EGFLAM: variants seen among roughly 807,000 people sequenced by gnomAD.
The protein encoded by EGFLAM is pikachurin.
Under a neutral mutation model 113.1 loss-of-function variants are expected in EGFLAM, and 79 were observed. The ratio of observed to expected loss-of-function variants is 0.70; its 90% CI spans 0.58 to 0.84. The LOEUF (loss-of-function observed/expected upper bound fraction) is 0.84. Ranked by LOEUF, EGFLAM falls within the 40% of genes least tolerant of loss-of-function variation. The pLI is 0.00. For missense variants in EGFLAM, 1,265 were observed against 1,291.6 expected (o/e 0.98, Z 0.32); for synonymous variants, 504 against 487.6 (o/e 1.03, Z -0.44).
chr5:38,454,188 C>G (rs776900752), intron 19 of EGFLAM, among the ~76,000 whole-genome samples: 3 of 152,098 alleles, frequency 2.0e-5, no homozygotes, highest in Non-Finnish European at 2.9e-5. Flanking sequence ...GGAAGCGTAC[C>G]GGCGGGCTGG....
chr5:38,357,689 C>T (rs1739798988), intron 5 of EGFLAM, among the ~76,000 whole-genome samples: 1 of 152,106 alleles, frequency 6.6e-6, no homozygotes, highest in African/African-American at 2.4e-5. Flanking sequence ...AGAAGTGATC[C>T]TCAGATTCAG....
chr5:38,341,929 T>A lies in EGFLAM; in HGVS notation c.291+3148T>A, dbSNP rs1230183752. Among the ~76,000 whole-genome samples, 3 of 151,934 alleles carry A rather than the reference T, an allele frequency of 2.0e-5. No individual in the cohort carries two copies. In the East Asian group the frequency reaches 5.8e-4, roughly 29 times the overall value. ...ACTCATGCAAGTTTTTTTTTTTTTT[T>A]ACTCTTCATGTTGCCTCTGTTTTTT... is the stretch of plus-strand genomic sequence containing the variant. On this transcript the variant is annotated intron_variant, in intron 3 of 21. Transcript: ENST00000322350.
chr5:38,295,729 G>T (rs566814189), intron 1 of EGFLAM, among the ~76,000 whole-genome samples: 25 of 152,292 alleles, frequency 1.6e-4, no homozygotes, highest in African/African-American at 4.8e-4. Flanking sequence ...AGTAAAACCT[G>T]TCTTCCTTCC....
chr5:38,389,523 C>T (rs1293925143), intron 6 of EGFLAM, among the ~76,000 whole-genome samples: 2 of 152,088 alleles, frequency 1.3e-5, no homozygotes, highest in African/African-American at 4.8e-5. Context: ...ATGTAGAAAT[C>T]ACCATGTTGA....
chr5:38,328,723 G>GTTTTTTTTTTTTTTTTTTTTTTTAATTT (rs3077265), intron 1 of EGFLAM, among the ~76,000 whole-genome samples: 1 of 103,026 alleles, frequency 9.7e-6, no homozygotes, highest in African/African-American at 3.6e-5. Context: ...AGCTATACTT[G>GTTTTTTTTTTTTTTTTTTTTTTTAATTT]TTTTTTTTTT....
At chr5:38,296,167 T>A (rs1195316794) in intron 1 of EGFLAM, among the ~76,000 whole-genome samples, 1 of 152,094 alleles carries the variant, frequency 6.6e-6, no homozygotes, top group Non-Finnish European at 1.5e-5. Context: ...AGGGTATTGA[T>A]GGGTTCAGGT....
At chr5:38,426,261 A>G (rs918927812) in intron 13 of EGFLAM, among the ~76,000 whole-genome samples, 10 of 149,698 alleles carry the variant, frequency 6.7e-5, no homozygotes, top group African/African-American at 1.8e-4. Flanking sequence ...ACACATGTGT[A>G]TATAAACATG....
intron 1 of EGFLAM, chr5:38,282,117 C>T (rs1379304555): frequency 6.6e-6 from 1 of 152,168 alleles, no homozygotes; most frequent in Non-Finnish European, 1.5e-5. Flanking sequence ...TTAGACTCTT[C>T]TGATTTCTTG....
At chr5:38,436,018 A>G (rs953786679) in intron 16 of EGFLAM, among the ~76,000 whole-genome samples, 1 of 151,898 alleles carries the variant, frequency 6.6e-6, no homozygotes, top group African/African-American at 2.4e-5. Context: ...GGGTTTCACC[A>G]TGTTGGCCAG....
chr5:38,351,108 TC>T (rs1267491659), intron 4 of EGFLAM, among the ~76,000 whole-genome samples: 6 of 149,896 alleles, frequency 4.0e-5, no homozygotes, highest in African/African-American at 1.5e-4. Context: ...CAGCAGCACT[TC>T]TTTTTTTTTT....
At chr5:38,410,689 G>A (rs866462821) in intron 10 of EGFLAM, among the ~76,000 whole-genome samples, 2 of 152,186 alleles carry the variant, frequency 1.3e-5, no homozygotes, top group South Asian at 4.2e-4. Flanking sequence ...GCCATAGGGA[G>A]GTTGGGATAA....
chr5:38,409,200 T>C (rs1579887523), intron 10 of EGFLAM, 96 bp downstream of exon 10: 1 of 909,428 alleles, frequency 1.1e-6, no homozygotes, highest in East Asian at 2.7e-5. Flanking sequence ...ACAGGATAGG[T>C]TCTAGTAGAT....
rs74576927 is a variant in EGFLAM, at chr5:38,299,848, T to C, written c.98-37672T>C. ...CTCCCAGAAAGGTGTTAGGATTCACTTGACATGTATTTATTGAGCATGTAT... is the reference window on the plus strand; with the variant it reads ...CTCCCAGAAAGGTGTTAGGATTCACCTGACATGTATTTATTGAGCATGTAT... On this transcript the variant is annotated intron_variant, in intron 1 of 21. Transcript: ENST00000322350. Among the ~76,000 whole-genome samples the C allele has an allele frequency of 2.7e-4, 41 of 152,294 alleles. No individual in the cohort carries two copies. In the East Asian group the frequency reaches 7.7e-3, roughly 29 times the overall value.
At chr5:38,425,236 T>A (rs547410666) in intron 13 of EGFLAM, 144 bp downstream of exon 13, 1 of 1,293,458 alleles carries the variant, frequency 7.7e-7, no homozygotes, top group South Asian at 1.5e-5. Flanking sequence ...CGGAGTGCAG[T>A]GGCGCATCTC....
chr5:38,274,957 G>A (rs1487208692), intron 1 of EGFLAM, among the ~76,000 whole-genome samples: 1 of 151,186 alleles, frequency 6.6e-6, no homozygotes, highest in Non-Finnish European at 1.5e-5. Flanking sequence ...AATGTGGAGG[G>A]GTAGTGAAGT....
chr5:38,364,684 C>A (rs770792111), intron 5 of EGFLAM, among the ~76,000 whole-genome samples: 1 of 152,124 alleles, frequency 6.6e-6, no homozygotes, highest in Non-Finnish European at 1.5e-5. Flanking sequence ...ATGAAGAAGA[C>A]AAAGTCACCA....
chr5:38,400,603 G>A (rs905537559), intron 6 of EGFLAM, among the ~76,000 whole-genome samples: 6 of 152,180 alleles, frequency 3.9e-5, no homozygotes, highest in African/African-American at 1.4e-4. Flanking sequence ...GGGGCAGTCA[G>A]GAAAGAGAAG....
intron 5 of EGFLAM, among the ~76,000 whole-genome samples, chr5:38,360,997 G>A (rs962410433): frequency 3.3e-5 from 5 of 151,434 alleles, no homozygotes; most frequent in African/African-American, 1.2e-4. Context: ...TAGGATTACA[G>A]GCATGTGCCA....
intron 1 of EGFLAM, among the ~76,000 whole-genome samples, chr5:38,266,349 A>T (rs1757635664): frequency 6.6e-6 from 1 of 152,186 alleles, no homozygotes; most frequent in Non-Finnish European, 1.5e-5. Flanking sequence ...ACTGATCTGT[A>T]AAAATAGGAT....
Sources: allele counts gnomAD v4.1 joint callset (sites outside exome capture counted in the v4.1 genomes callset), GRCh38; gene constraint gnomAD v4.1.1; transcripts MANE v1.5; gene names NCBI Gene and HGNC (gene_info 2026-07-23, HGNC 2026-07-21).